The following PCSK6 variants were observed in gnomAD, a reference collection of about 807,000 sequenced individuals.
PCSK6 encodes paired basic amino acid cleaving enzyme 4.
A neutral mutation model predicts 123.3 loss-of-function variants in PCSK6; 85 were observed. That is an observed-to-expected ratio of 0.69 (90% CI 0.58 to 0.83). The LOEUF is 0.83. Among genes scored for constraint, PCSK6 ranks in the 40% least tolerant of loss-of-function variants. The pLI is 0.00. For synonymous variants in PCSK6, 508 were observed against 516.0 expected, an observed-to-expected ratio of 0.98 and a Z score of 0.21; for missense variants, 1,191 against 1,282.3, an observed-to-expected ratio of 0.93 and a Z score of 1.09.
At chr15:101,405,645 T>C (rs185326276) in intron 6 of PCSK6, among the ~76,000 whole-genome samples, 166 of 152,120 alleles carry the variant, frequency 1.1e-3, no homozygotes, top group Non-Finnish European at 3.5e-4. Context: ...CTGGGAGAAC[T>C]TGATGAAATG....
At chr15:101,335,086 A>C (rs190961464) in intron 13 of PCSK6, among the ~76,000 whole-genome samples, 154 of 152,192 alleles carry the variant, frequency 1.0e-3, no homozygotes, top group Admixed American at 2.0e-3. Context: ...CAGCATCCCA[A>C]GTGGCTAGGA....
rs575423498 is a variant in PCSK6 at position 101,306,468 on chromosome 15, G to A, written c.2812+745C>T. ...TTCATACCCAAGGACCACCTGCCCT[G>A]ACCCTGGACACTGGAGCAGAGAGCC... On this transcript the variant is annotated intron_variant, in intron 21 of 21. Transcript: ENST00000611716. Among the ~76,000 whole-genome samples, 8 of 152,224 alleles carry A rather than the reference G, an allele frequency of 5.3e-5. No individual in the cohort carries two copies. In the East Asian group the frequency reaches 1.5e-3, roughly 29 times the overall value.
intron 1 of PCSK6, among the ~76,000 whole-genome samples, chr15:101,461,386 C>T (rs2057337510): frequency 6.6e-6 from 1 of 152,204 alleles, no homozygotes. Flanking sequence ...ATCTCTCTCA[C>T]ACAGAACAGG....
At chr15:101,411,394 C>T (rs117646264) in intron 6 of PCSK6, among the ~76,000 whole-genome samples, 3,161 of 152,136 alleles carry the variant, frequency 0.021, 60 homozygotes, top group Admixed American at 0.047. Flanking sequence ...GCCCTGGGAG[C>T]GGGGAGTCCG....
intron 13 of PCSK6, among the ~76,000 whole-genome samples, chr15:101,361,241 C>T (rs1363831455): frequency 6.7e-6 from 1 of 150,082 alleles, no homozygotes; most frequent in African/African-American, 2.5e-5. Flanking sequence ...AGGTTGGCAT[C>T]CTGTTTTAAA....
At chr15:101,414,812 C>G (rs142015000) in intron 6 of PCSK6, among the ~76,000 whole-genome samples, 3 of 152,056 alleles carry the variant, frequency 2.0e-5, no homozygotes, top group African/African-American at 7.2e-5. Context: ...GAAATAAATC[C>G]AAAGATATCT....
chr15:101,329,959 C>A (rs2040339597), intron 15 of PCSK6, among the ~76,000 whole-genome samples: 1 of 152,218 alleles, frequency 6.6e-6, no homozygotes. Flanking sequence ...CAGGTGCAGA[C>A]CCCCAGGCGT....
At chr15:101,324,440 G>A (rs971270406) in intron 17 of PCSK6, among the ~76,000 whole-genome samples, 1 of 152,194 alleles carries the variant, frequency 6.6e-6, no homozygotes, top group African/African-American at 2.4e-5. Flanking sequence ...AGAAGCCGAT[G>A]GCATAGTCTT....
intron 1 of PCSK6, among the ~76,000 whole-genome samples, chr15:101,460,181 T>C (rs1463144935): frequency 6.6e-6 from 1 of 151,920 alleles, no homozygotes; most frequent in Non-Finnish European, 1.5e-5. Context: ...CACCCCTCCG[T>C]GTCCTCCTCT....
At chr15:101,409,701 G>A (rs1423295903) in intron 6 of PCSK6, among the ~76,000 whole-genome samples, 1 of 152,094 alleles carries the variant, frequency 6.6e-6, no homozygotes, top group East Asian at 1.9e-4. Context: ...TGAGGAACTT[G>A]CTAAAGGGTA....
intron 1 of PCSK6, among the ~76,000 whole-genome samples, chr15:101,448,588 A>G (rs2056952414): frequency 6.6e-6 from 1 of 152,232 alleles, no homozygotes; most frequent in Non-Finnish European, 1.5e-5. Flanking sequence ...TGGAGTTCAG[A>G]TGAATTAATA....
intron 18 of PCSK6, among the ~76,000 whole-genome samples, chr15:101,321,823 C>A (rs183081790): frequency 6.6e-6 from 1 of 152,242 alleles, no homozygotes; most frequent in Non-Finnish European, 1.5e-5. Context: ...CCTTCCAGTG[C>A]GGACCATGGT....
intron 7 of PCSK6, among the ~76,000 whole-genome samples, chr15:101,397,179 T>C (rs534718161): frequency 6.6e-6 from 1 of 152,216 alleles, no homozygotes; most frequent in Non-Finnish European, 1.5e-5. Flanking sequence ...AAAACGCTCA[T>C]TCTGATAAGA....
At position 101,443,893 on chromosome 15, in the gene PCSK6, C is replaced by G. The variant is rs2056821342; in HGVS notation, c.298-233G>C. Among the ~76,000 whole-genome samples the G allele has an allele frequency of 2.6e-5, 4 of 152,216 alleles. No individual in the cohort carries two copies. In the South Asian group the frequency reaches 8.3e-4, roughly 32 times the overall value. The stretch of plus-strand genomic sequence containing the variant: ...AACACTAAGTCATATTTCCCATGGA[C>G]CACATACTCCATCACATCTCACGGT... On this transcript the variant is annotated intron_variant, in intron 1 of 21. Transcript: ENST00000611716.
intron 1 of PCSK6, among the ~76,000 whole-genome samples, chr15:101,471,124 G>A (rs12901469): frequency 0.56 from 84,695 of 151,838 alleles, 24,868 homozygotes; most frequent in Non-Finnish European, 0.67. Flanking sequence ...CCTGGGGAAA[G>A]CCTAGCAAGT....
chr15:101,420,937 G>A (rs773741970), intron 6 of PCSK6, among the ~76,000 whole-genome samples: 2 of 152,058 alleles, frequency 1.3e-5, no homozygotes, highest in Non-Finnish European at 2.9e-5. Flanking sequence ...GGGGGTTGAA[G>A]GAGTTTTGTT....
intron 6 of PCSK6, among the ~76,000 whole-genome samples, chr15:101,406,179 T>C (rs771723448): frequency 4.0e-5 from 6 of 150,786 alleles, no homozygotes; most frequent in Non-Finnish European, 8.8e-5. Context: ...AGCTCAACAT[T>C]AAGAGCAATG....
At position 101,393,213 on chromosome 15, in the gene PCSK6, AT is replaced by A; in HGVS notation, c.1207del (p.Ile403SerfsTer32). ...YSSGAFYERKIVTTDLRQRCT... is the reference protein window; with the variant it reads ...YSSGAFYERKXVTTDLRQRCT... ...CTCCAACTTGCCAAGAGAACTTACG[AT>A]TTTTCGCTCATAAAAGGCCCCACTG... On this transcript the variant is annotated frameshift_variant and splice_region_variant, in exon 8 of 22. Coordinates refer to ENST00000611716, the MANE Select transcript of PCSK6 (RefSeq NM_002570.5). LOFTEE classifies it high-confidence loss of function. The A allele has an allele frequency of 6.2e-7, 1 of 1,611,782 alleles. No individual in the cohort carries two copies. Among genetic ancestry groups the A allele is most frequent in the African/African-American group, 1.3e-5 (1 of 74,880 alleles).
At chr15:101,338,673 C>G (rs61014234) in intron 13 of PCSK6, among the ~76,000 whole-genome samples, 1 of 152,206 alleles carries the variant, frequency 6.6e-6, no homozygotes. Context: ...TACTGTTGTA[C>G]ATACCCAACT....
Sources: allele counts gnomAD v4.1 joint callset (sites outside exome capture counted in the v4.1 genomes callset), GRCh38; gene constraint gnomAD v4.1.1; transcripts MANE v1.5; gene names NCBI Gene and HGNC (gene_info 2026-07-23, HGNC 2026-07-21).